Variants in TCERG1L observed in about 807,000 individuals in gnomAD.
TCERG1L encodes transcription elongation regulator 1 like.
In TCERG1L, 37 loss-of-function variants were observed where a neutral mutation model predicts 56.3. The ratio of observed to expected loss-of-function variants is 0.66; its 90% confidence interval spans 0.51 to 0.87. The LOEUF is 0.87. Among genes scored for constraint, TCERG1L ranks in the 40% least tolerant of loss-of-function variants. The pLI is 0.00. For synonymous variants in TCERG1L, 324 were observed against 326.3 expected (o/e 0.99, Z 0.08); for missense variants, 799 against 774.2 (o/e 1.03, Z -0.38).
At chr10:131,159,416 CCT>C (rs1283914976) in intron 6 of TCERG1L, among the ~76,000 whole-genome samples, 1 of 152,182 alleles carries the variant, frequency 6.6e-6, no homozygotes, top group African/African-American at 2.4e-5. Context: ...GCTGAGACCC[CCT>C]GTGGTCTTCT....
chr10:131,200,646 C>T (rs190335304), intron 4 of TCERG1L, among the ~76,000 whole-genome samples: 1 of 152,286 alleles, frequency 6.6e-6, no homozygotes, highest in Admixed American at 6.5e-5. Flanking sequence ...GGGTCTCACT[C>T]ATATGATGTT....
At chr10:131,242,825 T>G (rs1281980460) in intron 4 of TCERG1L, among the ~76,000 whole-genome samples, 2 of 152,160 alleles carry the variant, frequency 1.3e-5, no homozygotes, top group Admixed American at 1.3e-4. Context: ...CATTAACCTG[T>G]AGGATCAGTC....
At chr10:131,276,560 T>C (rs1193340146) in intron 3 of TCERG1L, among the ~76,000 whole-genome samples, 1 of 152,264 alleles carries the variant, frequency 6.6e-6, no homozygotes, top group East Asian at 1.9e-4. Flanking sequence ...GAAATTATTC[T>C]CAGCCCATGT....
chr10:131,250,909 G>T (rs966222451), intron 4 of TCERG1L, among the ~76,000 whole-genome samples: 1 of 152,092 alleles, frequency 6.6e-6, no homozygotes, highest in African/African-American at 2.4e-5. Context: ...GACATAGGAC[G>T]TGCCAGACAC....
At chr10:131,172,789 C>G (rs2133442347) in intron 4 of TCERG1L, among the ~76,000 whole-genome samples, 1 of 152,126 alleles carries the variant, frequency 6.6e-6, no homozygotes, top group South Asian at 2.1e-4. Flanking sequence ...GTGTTTGTCA[C>G]AATCTAGTGA....
At chr10:131,112,991 C>G (rs1047766650) in intron 9 of TCERG1L, among the ~76,000 whole-genome samples, 1 of 141,940 alleles carries the variant, frequency 7.0e-6, no homozygotes, top group African/African-American at 2.5e-5. Context: ...CAGGTGGCCC[C>G]GGGTGGACCC....
intron 1 of TCERG1L, among the ~76,000 whole-genome samples, chr10:131,310,033 T>C (rs1846867540): frequency 6.6e-6 from 1 of 152,062 alleles, no homozygotes; most frequent in South Asian, 2.1e-4. Flanking sequence ...TGTTTTAAAA[T>C]CGTAAAAGCA....
intron 7 of TCERG1L, among the ~76,000 whole-genome samples, chr10:131,143,986 C>T (rs7910934): frequency 0.13 from 19,493 of 152,196 alleles, 1,696 homozygotes; most frequent in Non-Finnish European, 0.2. Flanking sequence ...CTTCTGGAGG[C>T]GCTGCCTCCT....
intron 4 of TCERG1L, among the ~76,000 whole-genome samples, chr10:131,187,845 GAAAGA>G (rs961302146): frequency 3.9e-5 from 6 of 152,178 alleles, no homozygotes; most frequent in African/African-American, 1.4e-4. Context: ...TTAGCAGATA[GAAAGA>G]AAAGAAAAGC....
At chr10:131,257,049 G>GAAAGAAAAGA (rs1564827265) in intron 4 of TCERG1L, among the ~76,000 whole-genome samples, 17 of 140,284 alleles carry the variant, frequency 1.2e-4, no homozygotes, top group African/African-American at 4.5e-4. Context: ...AAGAAAGAAA[G>GAAAGAAAAGA]AAAGAAAAGA....
chr10:131,295,173 T>G (rs1846676948), intron 3 of TCERG1L, among the ~76,000 whole-genome samples: 1 of 152,262 alleles, frequency 6.6e-6, no homozygotes, highest in Admixed American at 6.5e-5. Flanking sequence ...CCTTGTTATT[T>G]CTGTGTCACA....
At chr10:131,205,612 C>T (rs897519517) in intron 4 of TCERG1L, among the ~76,000 whole-genome samples, 27 of 152,306 alleles carry the variant, frequency 1.8e-4, no homozygotes, top group African/African-American at 5.8e-4. Flanking sequence ...GAGGTAAACG[C>T]CGCCTTCCAT....
chr10:131,298,750 T>C (rs1232548717), intron 3 of TCERG1L, among the ~76,000 whole-genome samples: 2 of 152,248 alleles, frequency 1.3e-5, no homozygotes, highest in Admixed American at 6.5e-5. Flanking sequence ...ACTTGTTTTA[T>C]AGCCTATAAT....
At chr10:131,149,680 C>T (rs1046648421) in intron 6 of TCERG1L, among the ~76,000 whole-genome samples, 15 of 152,190 alleles carry the variant, frequency 9.9e-5, no homozygotes, top group East Asian at 1.9e-4. Flanking sequence ...TAGCTCCCCA[C>T]GAGGCCTGGG....
At chr10:131,131,243 AC>A (rs1177255923) in intron 8 of TCERG1L, among the ~76,000 whole-genome samples, 1 of 152,110 alleles carries the variant, frequency 6.6e-6, no homozygotes, top group African/African-American at 2.4e-5. Flanking sequence ...CTCAGCAGAG[AC>A]CACCACCCTG....
In TCERG1L at chr10:131,104,183, A is replaced by G. The variant is rs1845328639; in HGVS notation, c.1485+82T>C. On this transcript the variant is annotated intron_variant, in intron 10 of 11. Transcript: ENST00000368642. ...CAACATGGGTGTCTGTTATTGAGCA[A>G]TGAAAAGCTCCCCAGATCCAGGATG... 5.8e-6 allele frequency: 6 copies of G among 1,035,670 alleles called. No homozygotes were observed. In the South Asian group the frequency reaches 7.2e-5, roughly 12 times the overall value. The allele number at this position is 1,035,670 out of a possible 1,614,324, so 64.2% of individuals were successfully genotyped here.
intron 8 of TCERG1L, among the ~76,000 whole-genome samples, chr10:131,134,172 T>C (rs527352014): frequency 6.6e-6 from 1 of 152,292 alleles, no homozygotes; most frequent in East Asian, 1.9e-4. Flanking sequence ...GTGTACAGTG[T>C]CTGAAGTGCC....
intron 4 of TCERG1L, among the ~76,000 whole-genome samples, chr10:131,205,901 C>T (rs1324268327): frequency 6.6e-6 from 1 of 152,232 alleles, no homozygotes. Context: ...GAGGTGGTGA[C>T]TGCCCTCCAC....
rs138317229 is a variant in TCERG1L at position 131,271,447 on chromosome 10, C to T, written c.671-11003G>A. Among the ~76,000 whole-genome samples the T allele has an allele frequency of 2.2e-3, 329 of 152,334 alleles. 3 individuals carry two copies. Among genetic ancestry groups the T allele is most frequent in the African/African-American group, 7.5e-3 (311 of 41,586 alleles). ...GCAGAGGAGGTGCCCACAGAAGGCA[C>T]GTGGCTGGAGAGGCCTGCTGACCCC... On this transcript the variant is annotated intron_variant, in intron 3 of 11. Coordinates refer to ENST00000368642, the MANE Select transcript of TCERG1L (RefSeq NM_174937.4).
Sources: allele counts gnomAD v4.1 joint callset (sites outside exome capture counted in the v4.1 genomes callset), GRCh38; gene constraint gnomAD v4.1.1; transcripts MANE v1.5; gene names NCBI Gene and HGNC (gene_info 2026-07-23, HGNC 2026-07-21).